Variants in GPR174 observed in about 807,000 individuals in gnomAD.
GPR174 encodes the protein probable G protein-coupled receptor 174.
Under a neutral mutation model 16.5 loss-of-function variants are expected in GPR174, and 8 were observed. That is an observed-to-expected ratio of 0.48 (90% CI 0.28 to 0.87). The LOEUF (loss-of-function observed/expected upper bound fraction) is 0.87. GPR174 is among the 40% of genes least tolerant of loss of function. The pLI is 0.09. For synonymous variants in GPR174, 111 were observed against 94.8 expected (o/e 1.17, Z -0.99); for missense variants, 214 against 247.5 (o/e 0.86, Z 0.91).
chrX:79,149,870 A>G (rs1311886654), intron 1 of GPR174, among the ~76,000 whole-genome samples: 7 of 101,182 alleles, frequency 6.9e-5, no homozygotes, highest in African/African-American at 2.2e-4. Flanking sequence ...AAACACTATG[A>G]GGACATTCTG....
At chrX:79,164,782 T>G (rs1602341743) in intron 2 of GPR174, among the ~76,000 whole-genome samples, 1 of 111,595 alleles carries the variant, frequency 9.0e-6, no homozygotes, top group Admixed American at 9.5e-5. Context: ...TCCAGAAAAT[T>G]AATACAAGTC....
At chrX:79,167,752 G>A (rs983167830) in intron 2 of GPR174, among the ~76,000 whole-genome samples, 3 of 112,097 alleles carry the variant, frequency 2.7e-5, no homozygotes, top group Admixed American at 9.4e-5. Context: ...TCAGATCTCA[G>A]TAGAGAAATT....
chrX:79,149,722 A>T (rs1316636718), intron 1 of GPR174, among the ~76,000 whole-genome samples: 2 of 110,544 alleles, frequency 1.8e-5, no homozygotes, highest in African/African-American at 6.6e-5. Context: ...AGTTATCCTG[A>T]GTGAGTGATC....
chrX:79,163,125 C>A (rs919700183), intron 2 of GPR174, among the ~76,000 whole-genome samples: 2 of 111,285 alleles, frequency 1.8e-5, no homozygotes, highest in African/African-American at 6.5e-5. Flanking sequence ...TTTTTTAGGC[C>A]ATTGCAGTGT....
intron 2 of GPR174, among the ~76,000 whole-genome samples, chrX:79,169,645 T>G (rs1016357046): frequency 3.6e-5 from 4 of 111,714 alleles, no homozygotes; most frequent in Admixed American, 9.5e-5. Context: ...CACATATCTT[T>G]AAAGTTAGTT....
At chrX:79,163,454 A>G (rs1365130265) in intron 2 of GPR174, among the ~76,000 whole-genome samples, 2 of 111,964 alleles carry the variant, frequency 1.8e-5, no homozygotes, top group Non-Finnish European at 3.8e-5. Context: ...ATGGAAGTCC[A>G]TAGTCTTTCT....
At chrX:79,149,046 T>G (rs1375812816) in intron 1 of GPR174, among the ~76,000 whole-genome samples, 5 of 112,043 alleles carry the variant, frequency 4.5e-5, no homozygotes, top group Admixed American at 1.9e-4. Context: ...TTATTATTTC[T>G]CACATATGTT....
At chrX:79,153,386 T>C (rs1028124768) in intron 1 of GPR174, among the ~76,000 whole-genome samples, 4 of 112,051 alleles carry the variant, frequency 3.6e-5, no homozygotes, top group African/African-American at 1.3e-4. Flanking sequence ...CTTGATAGTT[T>C]AGCAAACTGG....
rs371962856 is a variant in GPR174, at chrX:79,171,227, C to T, written c.220C>T (p.Leu74=). The T allele has an allele frequency of 8.3e-6, 10 of 1,208,782 alleles. No individual in the cohort carries two copies. The highest frequency in any genetic ancestry group is 1.1e-5 in the Non-Finnish European group (10 of 894,252). ...CTTACTACAAGTTCTTTCCTTGCCA[C>T]TGAGGATCTTCTACTACTTGAATCA... is the stretch of plus-strand genomic sequence containing the variant. ...ADLLQVLSLP[L]RIFYYLNHDW... The change falls in exon 3 of 3, where the codon CTG becomes TTG. Residue 74 remains leucine, a synonymous_variant. Transcript: ENST00000645147.
chrX:79,164,978 G>A (rs1227438116), intron 2 of GPR174, among the ~76,000 whole-genome samples: 1 of 111,675 alleles, frequency 9.0e-6, no homozygotes, highest in East Asian at 2.8e-4. Context: ...TGTAGTTATT[G>A]AGACATAAAA....
chrX:79,165,942 A>T (rs918065239), intron 2 of GPR174, among the ~76,000 whole-genome samples: 5 of 111,676 alleles, frequency 4.5e-5, no homozygotes, highest in African/African-American at 1.6e-4. Context: ...CCAAATGTTC[A>T]TGTTTTCTCT....
chrX:79,166,153 G>A (rs1425784146), intron 2 of GPR174, among the ~76,000 whole-genome samples: 1 of 111,917 alleles, frequency 8.9e-6, no homozygotes, highest in Non-Finnish European at 1.9e-5. Flanking sequence ...AAGAGTTGGA[G>A]TACACACACC....
chrX:79,159,685 C>G (rs750760783), intron 2 of GPR174, among the ~76,000 whole-genome samples: 24 of 111,247 alleles, frequency 2.2e-4, no homozygotes, highest in African/African-American at 7.8e-4. Flanking sequence ...GTTCTTTTTG[C>G]CTACTATAAA....
intron 2 of GPR174, among the ~76,000 whole-genome samples, chrX:79,163,774 A>G (rs561966154): frequency 8.9e-6 from 1 of 111,894 alleles, no homozygotes; most frequent in Admixed American, 9.5e-5. Flanking sequence ...ATTCCATTCA[A>G]ATATTGTCCA....
intron 1 of GPR174, among the ~76,000 whole-genome samples, chrX:79,149,821 GTTTTTT>G (rs34575264): frequency 1.2e-5 from 1 of 82,177 alleles, no homozygotes; most frequent in Non-Finnish European, 2.3e-5. Flanking sequence ...ACCTCCCTCA[GTTTTTT>G]TTTTTTTTTT....
At chrX:79,151,643 G>C (rs1191985810) in intron 1 of GPR174, among the ~76,000 whole-genome samples, 1 of 111,716 alleles carries the variant, frequency 9.0e-6, no homozygotes, top group Non-Finnish European at 1.9e-5. Context: ...TTCAAAACAG[G>C]CTGTCCTTTT....
intron 1 of GPR174, among the ~76,000 whole-genome samples, chrX:79,154,465 C>T (rs192217754): frequency 1.6e-4 from 18 of 111,697 alleles, no homozygotes; most frequent in South Asian, 3.8e-4. Context: ...AGGAACAAAT[C>T]TGTGCCAACT....
intron 1 of GPR174, among the ~76,000 whole-genome samples, chrX:79,145,834 C>A (rs1259975456): frequency 9.0e-6 from 1 of 110,870 alleles, no homozygotes; most frequent in Non-Finnish European, 1.9e-5. Context: ...TTTAAGAAAA[C>A]TTGTTTATAA....
chrX:79,150,863 A>G (rs759188962), intron 1 of GPR174, among the ~76,000 whole-genome samples: 1 of 111,357 alleles, frequency 9.0e-6, no homozygotes, highest in South Asian at 3.7e-4. Context: ...AGGGAAAATA[A>G]TAGTTTTCTA....
Sources: gnomAD v4.1 joint callset for allele counts (sites outside exome capture counted in the v4.1 genomes callset) on GRCh38, gnomAD v4.1.1 for gene constraint, MANE v1.5 for transcripts, NCBI Gene and HGNC (gene_info 2026-07-23, HGNC 2026-07-21) for gene names.